DLG2: variants seen among roughly 807,000 people sequenced by gnomAD.
DLG2 encodes discs large MAGUK scaffold protein 2, also known as disks large homolog 2.
A neutral mutation model predicts 132.5 loss-of-function variants in DLG2; 45 were observed. The observed-to-expected ratio is 0.34, with a 90% confidence interval of 0.27 to 0.44. DLG2 has a LOEUF of 0.44. Ranked by LOEUF, DLG2 falls within the 20% of genes least tolerant of loss-of-function variation. The pLI, the probability that DLG2 is intolerant of heterozygous loss-of-function variation, is 1.00. For synonymous variants in DLG2, 424 were observed against 419.6 expected, an observed-to-expected ratio of 1.01 and a Z score of -0.13; for missense variants, 1,045 against 1,196.9, an observed-to-expected ratio of 0.87 and a Z score of 1.87.
chr11:83,625,668 C>T (rs904932652), intron 19 of DLG2, among the ~76,000 whole-genome samples: 2 of 152,178 alleles, frequency 1.3e-5, no homozygotes, highest in African/African-American at 4.8e-5. Flanking sequence ...CTGGGCCCTT[C>T]CCTTACTTCA....
intron 7 of DLG2, among the ~76,000 whole-genome samples, chr11:84,461,806 TGGTA>T (rs1277130685): frequency 6.6e-6 from 1 of 150,838 alleles, no homozygotes; most frequent in Admixed American, 6.6e-5. Context: ...TTTTTTCCTG[TGGTA>T]GATAGAGCAA....
At chr11:85,346,430 T>C (rs1348893558) in intron 3 of DLG2, among the ~76,000 whole-genome samples, 1 of 152,080 alleles carries the variant, frequency 6.6e-6, no homozygotes, top group African/African-American at 2.4e-5. Flanking sequence ...CCTCGTGATC[T>C]GCCCGCCTCG....
chr11:85,487,181 G>A (rs1263286106), intron 3 of DLG2, among the ~76,000 whole-genome samples: 1 of 151,388 alleles, frequency 6.6e-6, no homozygotes, highest in Non-Finnish European at 1.5e-5. Context: ...CCCCATGAAA[G>A]CAACTTCAGA....
At chr11:83,990,933 C>G (rs570531048) in intron 11 of DLG2, among the ~76,000 whole-genome samples, 1 of 152,068 alleles carries the variant, frequency 6.6e-6, no homozygotes, top group South Asian at 2.1e-4. Context: ...TGAGAAAACA[C>G]CCACCCTCAC....
chr11:85,187,320 T>C (rs1346257092), intron 4 of DLG2, among the ~76,000 whole-genome samples: 1 of 152,038 alleles, frequency 6.6e-6, no homozygotes. Flanking sequence ...AGAATACCTA[T>C]ATGAAAAGCC....
intron 7 of DLG2, among the ~76,000 whole-genome samples, chr11:84,439,277 A>T (rs2099010355): frequency 6.6e-6 from 1 of 152,148 alleles, no homozygotes; most frequent in Non-Finnish European, 1.5e-5. Context: ...GATATTTTTA[A>T]AGTTCCTTTC....
intron 10 of DLG2, among the ~76,000 whole-genome samples, chr11:84,064,216 C>A (rs1356502784): frequency 6.6e-6 from 1 of 152,188 alleles, no homozygotes. Context: ...ATCATCAAGT[C>A]ATAGTAAGTG....
intron 3 of DLG2, among the ~76,000 whole-genome samples, chr11:85,530,327 A>T (rs1487555891): frequency 9.0e-5 from 12 of 133,290 alleles, no homozygotes; most frequent in South Asian, 2.4e-4. Flanking sequence ...TATTTTATTT[A>T]TTTTTTTTTT....
At chr11:84,618,973 A>G (rs2099609262) in intron 6 of DLG2, among the ~76,000 whole-genome samples, 1 of 152,098 alleles carries the variant, frequency 6.6e-6, no homozygotes, top group African/African-American at 2.4e-5. Flanking sequence ...ACTCATTGAT[A>G]GATGATGTAG....
Position 83,457,784 on chromosome 11 carries a change from T to C in DLG2, c.*2034A>G, listed in dbSNP as rs2089241863. ...ACCTGAAACTGGCGAATTGCAGACATGGACATATCTTTAACATTTTGAGCA... is the reference window on the plus strand; with the variant it reads ...ACCTGAAACTGGCGAATTGCAGACACGGACATATCTTTAACATTTTGAGCA... On this transcript the variant is annotated 3_prime_UTR_variant, in exon 28 of 28. Coordinates refer to ENST00000376104, the MANE Select transcript of DLG2 (RefSeq NM_001142699.3). The C allele has an allele frequency of 2.0e-5, 3 of 152,598 alleles. No homozygotes were observed. Among genetic ancestry groups the C allele is most frequent in the African/African-American group, 7.2e-5 (3 of 41,432 alleles). The allele number at this position is 152,598 out of a possible 1,614,324, so 9.5% of individuals were successfully genotyped here.
chr11:84,359,012 A>T (rs777811278), intron 7 of DLG2, among the ~76,000 whole-genome samples: 2 of 151,896 alleles, frequency 1.3e-5, no homozygotes, highest in Non-Finnish European at 1.5e-5. Context: ...GGTTGTGTGG[A>T]GACATGAGCA....
chr11:85,533,415 A>G (rs1197340635), intron 3 of DLG2, among the ~76,000 whole-genome samples: 1 of 149,422 alleles, frequency 6.7e-6, no homozygotes, highest in African/African-American at 2.4e-5. Flanking sequence ...CACTATATAC[A>G]TATTGAAATA....
At chr11:85,579,700 T>C (rs1413235092) in intron 3 of DLG2, among the ~76,000 whole-genome samples, 2 of 152,096 alleles carry the variant, frequency 1.3e-5, no homozygotes, top group East Asian at 3.9e-4. Flanking sequence ...ACAACTTTTT[T>C]TTTTGAGACA....
intron 16 of DLG2, among the ~76,000 whole-genome samples, chr11:83,838,177 T>C (rs971640637): frequency 3.9e-5 from 6 of 152,200 alleles, no homozygotes; most frequent in African/African-American, 1.4e-4. Flanking sequence ...ATTTTGCAAC[T>C]ACTTTAAAAC....
chr11:85,094,964 C>T (rs1169549351), intron 6 of DLG2, among the ~76,000 whole-genome samples: 5 of 152,092 alleles, frequency 3.3e-5, no homozygotes, highest in East Asian at 3.9e-4. Context: ...CACTTAGAGG[C>T]CATTGTAAGG....
At chr11:84,747,979 T>C (rs536067139) in intron 6 of DLG2, among the ~76,000 whole-genome samples, 9 of 152,326 alleles carry the variant, frequency 5.9e-5, no homozygotes, top group African/African-American at 2.2e-4. Context: ...GAGTGCCATA[T>C]TTCCTCTGTG....
At chr11:85,423,629 G>C (rs1199563558) in intron 3 of DLG2, among the ~76,000 whole-genome samples, 1 of 152,042 alleles carries the variant, frequency 6.6e-6, no homozygotes, top group Non-Finnish European at 1.5e-5. Flanking sequence ...ATGGGGGTGA[G>C]CTTCCCAGGT....
intron 22 of DLG2, among the ~76,000 whole-genome samples, chr11:83,474,722 T>A (rs1369315895): frequency 6.6e-6 from 1 of 152,058 alleles, no homozygotes; most frequent in Non-Finnish European, 1.5e-5. Flanking sequence ...ACAGGATGAG[T>A]GATGAGGCCA....
Position 84,353,185 on chromosome 11 carries a change from T to C in DLG2, c.520-101894A>G, listed in dbSNP as rs531628312. ...TGCTTCTCAACTTACTGCCAACTGT[T>C]TTTTACCGCTTGCCTTAAGGCTACC... On this transcript the variant is annotated intron_variant, in intron 7 of 27. Transcript: ENST00000376104. 1.1e-4 allele frequency among the ~76,000 whole-genome samples: 16 copies of C among 152,282 alleles called. No homozygotes were observed. In the South Asian group the frequency reaches 1.9e-3, roughly 18 times the overall value.
Sources: gnomAD v4.1 joint callset for allele counts (sites outside exome capture counted in the v4.1 genomes callset) on GRCh38, gnomAD v4.1.1 for gene constraint, MANE v1.5 for transcripts, NCBI Gene and HGNC (gene_info 2026-07-23, HGNC 2026-07-21) for gene names.